The following MAML3 variants were observed in gnomAD, a reference collection of about 807,000 sequenced individuals.
MAML3 encodes the protein mastermind-like protein 3.
MAML3 carries 27 observed loss-of-function variants against 101.9 expected under a neutral mutation model. The observed-to-expected ratio is 0.27, with a 90% CI of 0.20 to 0.37. The LOEUF (loss-of-function observed/expected upper bound fraction) is 0.37, where lower values mean the gene tolerates loss of function less well. Among genes scored for constraint, MAML3 ranks in the 10% least tolerant of loss-of-function variants. The pLI, the probability that MAML3 is intolerant of heterozygous loss-of-function variation, is 1.00. For synonymous variants in MAML3, 501 were observed against 555.9 expected (o/e 0.90, Z 1.39); for missense variants, 1,316 against 1,444.9 (o/e 0.91, Z 1.45).
intron 2 of MAML3, among the ~76,000 whole-genome samples, chr4:139,736,415 C>T (rs917940267): frequency 6.6e-6 from 1 of 152,166 alleles, no homozygotes; most frequent in Non-Finnish European, 1.5e-5. Flanking sequence ...GAATCGAACA[C>T]CCACGATGGC....
At chr4:139,734,733 G>A (rs1728864277) in intron 2 of MAML3, among the ~76,000 whole-genome samples, 1 of 152,254 alleles carries the variant, frequency 6.6e-6, no homozygotes, top group African/African-American at 2.4e-5. Context: ...AAATCTGTGC[G>A]TAGGGAAGCT....
chr4:140,095,850 T>TA, intron 1 of MAML3, among the ~76,000 whole-genome samples: 1 of 152,288 alleles, frequency 6.6e-6, no homozygotes, highest in South Asian at 2.1e-4. Flanking sequence ...ACCCAGCTAA[T>TA]AACTCTGACT....
chr4:139,866,580 G>A (rs1474803586), intron 2 of MAML3, among the ~76,000 whole-genome samples: 1 of 152,120 alleles, frequency 6.6e-6, no homozygotes, highest in Non-Finnish European at 1.5e-5. Context: ...CGCCCAAGAT[G>A]GAATCTATTT....
intron 1 of MAML3, among the ~76,000 whole-genome samples, chr4:140,135,219 C>T (rs543446503): frequency 1.3e-5 from 2 of 152,330 alleles, no homozygotes; most frequent in Non-Finnish European, 2.9e-5. Context: ...TATTTTAACA[C>T]TGTCTTGTAA....
intron 1 of MAML3, among the ~76,000 whole-genome samples, chr4:139,929,236 T>C (rs1733330318): frequency 6.6e-6 from 1 of 152,172 alleles, no homozygotes; most frequent in Non-Finnish European, 1.5e-5. Flanking sequence ...GCTGTTACTT[T>C]TTAGCAGCAC....
chr4:139,865,842 C>T (rs1442553587), intron 2 of MAML3, among the ~76,000 whole-genome samples: 1 of 152,252 alleles, frequency 6.6e-6, no homozygotes, highest in African/African-American at 2.4e-5. Flanking sequence ...AAGGCAAGAG[C>T]CTGTGTTCCC....
At chr4:140,042,494 T>G (rs1473314076) in intron 1 of MAML3, among the ~76,000 whole-genome samples, 3 of 151,850 alleles carry the variant, frequency 2.0e-5, no homozygotes, top group Admixed American at 2.0e-4. Context: ...ATTAGCTGGG[T>G]GTGGTGGCAG....
chr4:139,721,137 GCAA>G (rs2110958385), intron 4 of MAML3, among the ~76,000 whole-genome samples: 1 of 152,280 alleles, frequency 6.6e-6, no homozygotes, highest in Admixed American at 6.5e-5. Flanking sequence ...CTTCAAATCG[GCAA>G]CGACTATTTC....
rs1728078940 is a variant in MAML3, at chr4:139,718,348, CAT to C, written c.*973_*974del. The C allele has an allele frequency of 6.6e-6, 1 of 152,198 alleles. No individual in the cohort carries two copies. The highest frequency in any genetic ancestry group is 2.4e-5 in the African/African-American group (1 of 41,426). 9.4% of individuals were successfully genotyped at this position (152,198 alleles called of 1,614,324 possible). The stretch of plus-strand genomic sequence containing the variant: ...GACTCTGCCCAAGGCTCCCTAAAGA[CAT>C]AAGCTTCACTTCTTGGATAGTCTGT... On this transcript the variant is annotated 3_prime_UTR_variant, in exon 5 of 5. Coordinates refer to ENST00000509479, the MANE Select transcript of MAML3 (RefSeq NM_018717.5).
chr4:139,726,957 C>G (rs1728497839), intron 3 of MAML3, among the ~76,000 whole-genome samples: 1 of 152,188 alleles, frequency 6.6e-6, no homozygotes, highest in African/African-American at 2.4e-5. Flanking sequence ...TGTTGTTTAA[C>G]CTGCTCCCTG....
chr4:139,882,720 G>T (rs1030965690), intron 2 of MAML3, among the ~76,000 whole-genome samples: 1 of 152,018 alleles, frequency 6.6e-6, no homozygotes, highest in Admixed American at 6.5e-5. Context: ...GTGGTGGCAC[G>T]CACCTGTAAT....
intron 1 of MAML3, among the ~76,000 whole-genome samples, chr4:140,139,813 G>GAC (rs1728952223): frequency 6.6e-6 from 1 of 152,146 alleles, no homozygotes; most frequent in Non-Finnish European, 1.5e-5. Flanking sequence ...CAAAATGCAA[G>GAC]ACAGTTGTCT....
chr4:140,118,614 G>A (rs1387689550), intron 1 of MAML3, among the ~76,000 whole-genome samples: 1 of 152,122 alleles, frequency 6.6e-6, no homozygotes, highest in Non-Finnish European at 1.5e-5. Context: ...GGAGGCGAAG[G>A]CAGGAGGACT....
chr4:140,083,594 C>G (rs2110971272), intron 1 of MAML3, among the ~76,000 whole-genome samples: 1 of 152,294 alleles, frequency 6.6e-6, no homozygotes, highest in South Asian at 2.1e-4. Flanking sequence ...TCCTAACATG[C>G]AGGTCTGCCT....
intron 1 of MAML3, among the ~76,000 whole-genome samples, chr4:140,016,017 T>C (rs143860240): frequency 6.6e-6 from 1 of 152,142 alleles, no homozygotes; most frequent in African/African-American, 2.4e-5. Flanking sequence ...ATGAATGACA[T>C]GATTGTGTAA....
intron 2 of MAML3, among the ~76,000 whole-genome samples, chr4:139,755,401 G>A (rs1729624892): frequency 6.6e-6 from 1 of 152,310 alleles, no homozygotes; most frequent in South Asian, 2.1e-4. Flanking sequence ...GAGGTCAGGA[G>A]TTCGAGACCA....
chr4:140,103,467 C>A (rs1241605553), intron 1 of MAML3, among the ~76,000 whole-genome samples: 1 of 152,096 alleles, frequency 6.6e-6, no homozygotes, highest in East Asian at 1.9e-4. Flanking sequence ...TTCTGAAAAT[C>A]CTAATTGGAA....
At chr4:140,106,782 G>A (rs1473611261) in intron 1 of MAML3, among the ~76,000 whole-genome samples, 1 of 152,160 alleles carries the variant, frequency 6.6e-6, no homozygotes, top group Non-Finnish European at 1.5e-5. Flanking sequence ...TTCTTTTCTA[G>A]TCTAAAATAT....
chr4:140,141,551 C>A (rs914178947), intron 1 of MAML3, among the ~76,000 whole-genome samples: 2 of 152,146 alleles, frequency 1.3e-5, no homozygotes, highest in African/African-American at 4.8e-5. Flanking sequence ...AAACACAAAG[C>A]TCAGGAAAGG....
Sources: allele counts gnomAD v4.1 joint callset (sites outside exome capture counted in the v4.1 genomes callset), GRCh38; gene constraint gnomAD v4.1.1; transcripts MANE v1.5; gene names NCBI Gene and HGNC (gene_info 2026-07-23, HGNC 2026-07-21).